AVEN: variants seen among roughly 807,000 people sequenced by gnomAD.
AVEN encodes cell death regulator Aven.
A neutral mutation model predicts 38.1 loss-of-function variants in AVEN; 41 were observed. The ratio of observed to expected loss-of-function variants is 1.08; its 90% CI spans 0.84 to 1.40. The LOEUF is 1.40. Ranked by LOEUF, AVEN falls within the 40% of genes most tolerant of loss-of-function variation. The probability of loss-of-function intolerance (pLI) is 0.00; values close to 1 mark genes in which losing one functional copy is unlikely to be tolerated. For missense variants in AVEN, 605 were observed against 438.8 expected, an observed-to-expected ratio of 1.38 and a Z score of -3.38; for synonymous variants, 206 against 171.8, an observed-to-expected ratio of 1.20 and a Z score of -1.56.
chr15:33,898,457 G>C (rs1256412237), intron 2 of AVEN, among the ~76,000 whole-genome samples: 2 of 152,178 alleles, frequency 1.3e-5, no homozygotes, highest in African/African-American at 2.4e-5. Context: ...GAAGGCTCTA[G>C]GGGAGGAGCT....
In AVEN at chr15:33,860,930, ATGTATGGCACTACTGAGTG is replaced by A; in HGVS notation, n.2730-1855_2730-1837del. ...CTACTGAGTGAATGACTAATAGCCA[ATGTATGGCACTACTGAGTG>A]AATGACTAATAGCCAAAAGCATTAG... On this transcript the variant is annotated intron_variant and non_coding_transcript_variant, in intron 11 of 11. Transcript: ENST00000675287. 1.6e-5 allele frequency: 9 copies of A among 563,910 alleles called. No individual in the cohort carries two copies. The East Asian group carries it at 2.7e-4, about 17-fold the overall frequency. 34.9% of individuals were successfully genotyped at this position (563,910 alleles called of 1,614,324 possible). A position where few individuals can be genotyped will look rare whatever the true frequency, so the allele number is the denominator to read the frequency against.
chr15:34,065,722 A>G lies in AVEN; in HGVS notation n.1126+250T>C, dbSNP rs562730608. ...ACTTAATTGAAATCTCTAAGTGCGT[A>G]TAAACAAACGGAATCAAAGGACCTT... On this transcript the variant is annotated intron_variant and non_coding_transcript_variant, in intron 4 of 11. Coordinates refer to the AVEN transcript ENST00000675287. 6 of 152,372 alleles carry G rather than the reference A, an allele frequency of 3.9e-5. No individual in the cohort carries two copies. In the South Asian group the frequency reaches 1.2e-3, roughly 32 times the overall value. The allele number at this position is 152,372 out of a possible 1,614,324, so 9.4% of individuals were successfully genotyped here.
intron 2 of AVEN, among the ~76,000 whole-genome samples, chr15:34,001,252 C>T (rs1021600462): frequency 1.3e-4 from 20 of 152,094 alleles, no homozygotes; most frequent in African/African-American, 4.6e-4. Flanking sequence ...GAACTCCTGA[C>T]CTCAGGCAAT....
At chr15:34,024,340 C>T (rs568289068) in intron 1 of AVEN, among the ~76,000 whole-genome samples, 104 of 152,050 alleles carry the variant, frequency 6.8e-4, no homozygotes, top group Non-Finnish European at 1.2e-3. Flanking sequence ...GAGTGATGGG[C>T]GGCAATCTCT....
intron 2 of AVEN, among the ~76,000 whole-genome samples, chr15:33,982,723 T>C (rs1215418122): frequency 6.6e-6 from 1 of 151,582 alleles, no homozygotes; most frequent in African/African-American, 2.4e-5. Flanking sequence ...AATGTAGTTA[T>C]GTTGTACATC....
At chr15:34,002,440 T>C (rs1252283372) in intron 2 of AVEN, among the ~76,000 whole-genome samples, 7 of 151,156 alleles carry the variant, frequency 4.6e-5, no homozygotes, top group African/African-American at 1.7e-4. Flanking sequence ...CACTCCTCCA[T>C]TCTTCCCTGT....
intron 1 of AVEN, among the ~76,000 whole-genome samples, chr15:34,009,003 A>G (rs1033905195): frequency 2.0e-5 from 3 of 152,048 alleles, no homozygotes; most frequent in Admixed American, 6.6e-5. Context: ...CTGAAAATCA[A>G]GAAAAAGGAA....
chr15:34,071,668 T>G (rs1740365138), intron 1 of AVEN, among the ~76,000 whole-genome samples: 1 of 152,218 alleles, frequency 6.6e-6, no homozygotes, highest in Admixed American at 6.5e-5. Flanking sequence ...TTGATCATGA[T>G]GTACTAACTA....
intron 2 of AVEN, among the ~76,000 whole-genome samples, chr15:33,931,349 C>CTTTTTTTTTTTTTTTTTTTTTTTT (rs71119903): frequency 2.2e-5 from 2 of 89,296 alleles, no homozygotes; most frequent in African/African-American, 5.2e-5. Context: ...TGAATATTTT[C>CTTTTTTTTTTTTTTTTTTTTTTTT]TTTTTTTTTT....
chr15:33,969,890 A>G (rs571038033), intron 2 of AVEN, among the ~76,000 whole-genome samples: 197 of 152,162 alleles, frequency 1.3e-3, no homozygotes, highest in Non-Finnish European at 2.4e-3. Flanking sequence ...TAAAAGATAC[A>G]GTGCCTTTAA....
At chr15:33,863,111 C>T (rs975888369), downstream of AVEN, among the ~76,000 whole-genome samples, 2 of 152,160 alleles carry the variant, frequency 1.3e-5, no homozygotes, top group Non-Finnish European at 2.9e-5. Context: ...CTTCCCATGG[C>T]ACTGTTACAC....
intron 2 of AVEN, among the ~76,000 whole-genome samples, chr15:33,907,794 A>AC (rs1892763199): frequency 6.6e-6 from 1 of 152,042 alleles, no homozygotes; most frequent in Non-Finnish European, 1.5e-5. Flanking sequence ...GCACTAAAAA[A>AC]AAAAAAAAAA....
chr15:33,869,001 G>C (rs1890822830), intron 4 of AVEN, among the ~76,000 whole-genome samples: 1 of 152,162 alleles, frequency 6.6e-6, no homozygotes, highest in South Asian at 2.1e-4. Context: ...GCCTCACAGT[G>C]GGCAGGTTCA....
At chr15:34,062,608 G>T in intron 5 of AVEN, 1 of 895,290 alleles carries the variant, frequency 1.1e-6, no homozygotes, top group Non-Finnish European at 1.7e-6. Flanking sequence ...AAATCATGCT[G>T]GTGTGCGAAG....
At chr15:33,973,159 C>T (rs1387680343) in intron 2 of AVEN, among the ~76,000 whole-genome samples, 1 of 152,192 alleles carries the variant, frequency 6.6e-6, no homozygotes, top group Non-Finnish European at 1.5e-5. Flanking sequence ...TTTGACGTCA[C>T]ACTGTTGTCA....
At chr15:33,860,659 G>A (rs1216989904) in intron 11 of AVEN, 4 of 1,583,470 alleles carry the variant, frequency 2.5e-6, no homozygotes, top group Non-Finnish European at 3.4e-6. Context: ...AAGATATGGA[G>A]GTAATGTTAC....
intron 1 of AVEN, among the ~76,000 whole-genome samples, chr15:34,010,576 A>G (rs1007691215): frequency 3.8e-5 from 1 of 26,510 alleles, no homozygotes; most frequent in Non-Finnish European, 4.5e-4. Context: ...AGGAGTTCAA[A>G]AACATTCACA....
chr15:34,034,354 T>C (rs988000552), intron 1 of AVEN, among the ~76,000 whole-genome samples: 3 of 150,980 alleles, frequency 2.0e-5, no homozygotes, highest in Non-Finnish European at 4.4e-5. Context: ...GATGGGAGGA[T>C]CCCTTGAGTA....
intron 1 of AVEN, among the ~76,000 whole-genome samples, chr15:34,027,731 G>C (rs1225148540): frequency 6.6e-6 from 1 of 151,100 alleles, no homozygotes; most frequent in Non-Finnish European, 1.5e-5. Context: ...ATTTCACTCT[G>C]TGCAAACAGT....
Sources: gnomAD v4.1 joint callset for allele counts (sites outside exome capture counted in the v4.1 genomes callset) on GRCh38, gnomAD v4.1.1 for gene constraint, MANE v1.5 for transcripts, NCBI Gene and HGNC (gene_info 2026-07-23, HGNC 2026-07-21) for gene names.